The following RIT2 variants were observed in gnomAD, a reference collection of about 807,000 sequenced individuals.
RIT2 encodes the protein Ras like without CAAX 2.
Under a neutral mutation model 23.7 loss-of-function variants are expected in RIT2, and 24 were observed. The observed-to-expected ratio is 1.01, with a 90% CI of 0.73 to 1.43. RIT2 has a LOEUF of 1.43. Among genes scored for constraint, RIT2 ranks in the 40% most tolerant of loss-of-function variants. The probability of loss-of-function intolerance (pLI) is 0.00; values close to 1 mark genes in which losing one functional copy is unlikely to be tolerated. For missense variants in RIT2, 236 were observed against 266.9 expected, an observed-to-expected ratio of 0.88 and a Z score of 0.81; for synonymous variants, 107 against 91.1, an observed-to-expected ratio of 1.17 and a Z score of -0.99.
intron 4 of RIT2, among the ~76,000 whole-genome samples, chr18:42,766,459 G>A (rs556146819): frequency 6.6e-6 from 1 of 152,192 alleles, no homozygotes; most frequent in Non-Finnish European, 1.5e-5. Context: ...AGGGTATCTG[G>A]TGGAAGAAAT....
At chr18:42,943,834 G>A (rs1230866625) in intron 3 of RIT2, among the ~76,000 whole-genome samples, 1 of 152,118 alleles carries the variant, frequency 6.6e-6, no homozygotes, top group Non-Finnish European at 1.5e-5. Context: ...AAATTATGGA[G>A]TTATCCTTCT....
intron 2 of RIT2, among the ~76,000 whole-genome samples, chr18:42,977,803 T>C (rs1211721884): frequency 2.0e-5 from 3 of 149,178 alleles, no homozygotes; most frequent in Admixed American, 6.8e-5. Context: ...TTGTGGAAAG[T>C]ATGACTTGCA....
intron 4 of RIT2, among the ~76,000 whole-genome samples, chr18:42,772,994 TTGAGACAAC>T (rs1197340623): frequency 1.3e-5 from 2 of 152,260 alleles, no homozygotes; most frequent in African/African-American, 4.8e-5. Flanking sequence ...CTCCTCTCAT[TTGAGACAAC>T]TTACCCTCCA....
chr18:42,775,817 T>C (rs1913656522), intron 4 of RIT2, among the ~76,000 whole-genome samples: 1 of 152,042 alleles, frequency 6.6e-6, no homozygotes, highest in South Asian at 2.1e-4. Context: ...TGCTAGATTT[T>C]CCCAAGGCCG....
At chr18:42,833,518 C>T (rs1041408769) in intron 4 of RIT2, among the ~76,000 whole-genome samples, 8 of 152,162 alleles carry the variant, frequency 5.3e-5, no homozygotes, top group East Asian at 3.9e-4. Context: ...TCTATGGGCA[C>T]GAAAGCTACT....
intron 4 of RIT2, among the ~76,000 whole-genome samples, chr18:42,919,105 T>C (rs909406867): frequency 5.3e-5 from 8 of 152,270 alleles, no homozygotes; most frequent in East Asian, 1.9e-4. Flanking sequence ...CTCATGCCTT[T>C]ACTATATTCC....
At chr18:42,775,332 A>C (rs1913642578) in intron 4 of RIT2, among the ~76,000 whole-genome samples, 1 of 152,134 alleles carries the variant, frequency 6.6e-6, no homozygotes, top group Non-Finnish European at 1.5e-5. Flanking sequence ...TCATAAGAAA[A>C]CCATGAAGGG....
rs5824460 is a variant in RIT2, at chr18:42,940,236, CTATATATATATATATA to C, written c.235-16489_235-16474del. Among the ~76,000 whole-genome samples the C allele has an allele frequency of 2.7e-3, 238 of 86,966 alleles. 1 individual carries two copies. Among genetic ancestry groups the C allele is most frequent in the Non-Finnish European group, 4.3e-3 (197 of 46,238 alleles). 57.1% of individuals were successfully genotyped at this position (86,966 alleles called of 152,430 possible). A position where few individuals can be genotyped will look rare whatever the true frequency, so the allele number is the denominator to read the frequency against. ...CCTCTCTCAAATTTTGAAAGGCTCACTATATATATATATATATATATATATATATATATGCACACAC... is the reference window on the plus strand; with the variant it reads ...CCTCTCTCAAATTTTGAAAGGCTCACTATATATATATATATATGCACACAC... On this transcript the variant is annotated intron_variant, in intron 3 of 4. Coordinates refer to ENST00000326695, the MANE Select transcript of RIT2 (RefSeq NM_002930.4).
At chr18:42,954,262 G>A (rs1438290355) in intron 3 of RIT2, among the ~76,000 whole-genome samples, 1 of 151,094 alleles carries the variant, frequency 6.6e-6, no homozygotes, top group Non-Finnish European at 1.5e-5. Flanking sequence ...CTGTAATCCC[G>A]GCTACTTGGG....
chr18:42,909,590 A>G (rs1283914060), intron 4 of RIT2, among the ~76,000 whole-genome samples: 5 of 152,148 alleles, frequency 3.3e-5, no homozygotes, highest in Admixed American at 3.3e-4. Context: ...GACAGTTCCA[A>G]TAAATCTCAG....
At chr18:42,743,774 T>G in intron 4 of RIT2, 54 bp from the exon 5 acceptor site, 2 of 1,329,394 alleles carry the variant, frequency 1.5e-6, no homozygotes, top group African/African-American at 1.5e-5. Context: ...ACTCTTCAAT[T>G]AAAAATACGT....
chr18:42,833,519 G>A (rs764879072), intron 4 of RIT2, among the ~76,000 whole-genome samples: 2 of 152,210 alleles, frequency 1.3e-5, no homozygotes, highest in African/African-American at 2.4e-5. Context: ...CTATGGGCAC[G>A]AAAGCTACTT....
intron 2 of RIT2, among the ~76,000 whole-genome samples, chr18:42,974,607 C>A (rs1910437927): frequency 1.3e-5 from 2 of 151,906 alleles, no homozygotes; most frequent in Admixed American, 1.3e-4. Flanking sequence ...ATAAAATCAT[C>A]CCAATTGGAA....
intron 4 of RIT2, among the ~76,000 whole-genome samples, chr18:42,768,183 A>AT (rs1288859950): frequency 3.3e-5 from 5 of 152,202 alleles, no homozygotes; most frequent in African/African-American, 1.2e-4. Context: ...ACCCTCACTG[A>AT]TCTAGTTACC....
chr18:42,945,605 T>C (rs1205516551), intron 3 of RIT2, among the ~76,000 whole-genome samples: 1 of 152,186 alleles, frequency 6.6e-6, no homozygotes, highest in African/African-American at 2.4e-5. Flanking sequence ...TTTATTTCAG[T>C]TAGGCAGTGA....
intron 1 of RIT2, among the ~76,000 whole-genome samples, chr18:43,076,967 G>A (rs1182088135): frequency 6.7e-6 from 1 of 150,326 alleles, no homozygotes; most frequent in African/African-American, 2.4e-5. Flanking sequence ...GCCGGCCGTA[G>A]TGGCGGGCGC....
chr18:43,057,798 CTTT>C (rs11393575), intron 1 of RIT2, among the ~76,000 whole-genome samples: 7 of 122,660 alleles, frequency 5.7e-5, no homozygotes, highest in Admixed American at 2.5e-4. Context: ...GTGATGGACA[CTTT>C]TTTTTTTTTT....
chr18:42,974,684 C>T (rs1910440165), intron 2 of RIT2, among the ~76,000 whole-genome samples: 2 of 152,026 alleles, frequency 1.3e-5, no homozygotes, highest in Admixed American at 1.3e-4. Context: ...AGATTACATA[C>T]ATGCAAACCC....
chr18:42,996,152 C>T lies in RIT2; in HGVS notation c.161-22005G>A, dbSNP rs556469611. 2.2e-4 allele frequency among the ~76,000 whole-genome samples: 33 copies of T among 152,196 alleles called. No individual in the cohort carries two copies. In the South Asian group the frequency reaches 6.8e-3, roughly 32 times the overall value. ...CAATTCATACAAAACCGTATCCAGGCCATCATCAATAATTCTAAATGACAA... is the reference window on the plus strand; with the variant it reads ...CAATTCATACAAAACCGTATCCAGGTCATCATCAATAATTCTAAATGACAA... On this transcript the variant is annotated intron_variant, in intron 2 of 4. Transcript: ENST00000326695.
Sources: allele counts gnomAD v4.1 joint callset (sites outside exome capture counted in the v4.1 genomes callset), GRCh38; gene constraint gnomAD v4.1.1; transcripts MANE v1.5; gene names NCBI Gene and HGNC (gene_info 2026-07-23, HGNC 2026-07-21).